The following TMEM117 variants were observed in gnomAD, a reference collection of about 807,000 sequenced individuals.
The protein encoded by TMEM117 is transmembrane protein 117.
A neutral mutation model predicts 52.4 loss-of-function variants in TMEM117; 27 were observed. That is an observed-to-expected ratio of 0.51 (90% CI 0.38 to 0.71). The LOEUF (loss-of-function observed/expected upper bound fraction) is 0.71. Among genes scored for constraint, TMEM117 ranks in the 30% least tolerant of loss-of-function variants. The probability of loss-of-function intolerance (pLI) is 0.00; values close to 1 mark genes in which losing one functional copy is unlikely to be tolerated. For missense variants in TMEM117, 556 were observed against 630.5 expected, an observed-to-expected ratio of 0.88 and a Z score of 1.26; for synonymous variants, 215 against 206.3, an observed-to-expected ratio of 1.04 and a Z score of -0.36.
chr12:44,209,939 G>A (rs1949622642), intron 4 of TMEM117, among the ~76,000 whole-genome samples: 1 of 152,000 alleles, frequency 6.6e-6, no homozygotes. Flanking sequence ...TATTATTGAA[G>A]GGGTCACTGA....
Position 43,899,525 on chromosome 12 carries a change from G to T in TMEM117, c.278-44685G>T, listed in dbSNP as rs76961178. On this transcript the variant is annotated intron_variant, in intron 2 of 7. Coordinates refer to ENST00000266534, the MANE Select transcript of TMEM117 (RefSeq NM_032256.3). ...TGAAGAAACAGTAGTTTGCCATATT[G>T]TGAATTCTGCATATTGGAGTCCTGG... Among the ~76,000 whole-genome samples, 1,229 of 152,272 alleles carry T rather than the reference G, an allele frequency of 8.1e-3. 25 individuals carry two copies. Among genetic ancestry groups the T allele is most frequent in the African/African-American group, 0.028 (1,146 of 41,548 alleles).
At position 43,912,505 on chromosome 12, in the gene TMEM117, A is replaced by ATT. The variant is rs1184376263; in HGVS notation, c.278-31703_278-31702dup. 6.9e-4 allele frequency among the ~76,000 whole-genome samples: 34 copies of ATT among 49,384 alleles called. 1 individual carries two copies. In the Admixed American group the frequency reaches 7.0e-3, roughly 10 times the overall value. 32.4% of individuals were successfully genotyped at this position (49,384 alleles called of 152,430 possible). ...TAAAACTTAAAGTATAATAATAATA[A>ATT]TTTATATATATATATATATATATAT... On this transcript the variant is annotated intron_variant, in intron 2 of 7. Transcript: ENST00000266534.
intron 3 of TMEM117, among the ~76,000 whole-genome samples, chr12:44,106,606 A>T (rs946221553): frequency 4.7e-4 from 71 of 152,058 alleles, no homozygotes; most frequent in Non-Finnish European, 9.1e-4. Flanking sequence ...TATTGTATAC[A>T]TATAACATCA....
At chr12:44,212,682 A>G (rs779188307) in intron 5 of TMEM117, among the ~76,000 whole-genome samples, 7 of 152,140 alleles carry the variant, frequency 4.6e-5, no homozygotes, top group Non-Finnish European at 7.4e-5. Flanking sequence ...CCCACCAGAT[A>G]AGGGGGACTA....
At chr12:44,345,503 T>G (rs1293637194) in intron 6 of TMEM117, among the ~76,000 whole-genome samples, 2 of 152,142 alleles carry the variant, frequency 1.3e-5, no homozygotes, top group South Asian at 2.1e-4. Flanking sequence ...ATTCATAGTA[T>G]TGATTAAATA....
intron 3 of TMEM117, among the ~76,000 whole-genome samples, chr12:43,955,466 G>T (rs1945291956): frequency 6.6e-6 from 1 of 152,156 alleles, no homozygotes; most frequent in African/African-American, 2.4e-5. Context: ...AAGTTAATTT[G>T]CAGAAATCAC....
intron 5 of TMEM117, among the ~76,000 whole-genome samples, chr12:44,275,249 TGTC>T (rs1950497689): frequency 1.3e-5 from 2 of 152,158 alleles, no homozygotes; most frequent in South Asian, 2.1e-4. Context: ...TGCAGTGAGA[TGTC>T]GTCTCACCCC....
chr12:44,209,865 G>A (rs1949621583), intron 4 of TMEM117, among the ~76,000 whole-genome samples: 1 of 152,082 alleles, frequency 6.6e-6, no homozygotes, highest in Non-Finnish European at 1.5e-5. Context: ...GCCGGTGAAT[G>A]TTTCCAGAGA....
chr12:44,176,337 C>G (rs1225021242), intron 4 of TMEM117, among the ~76,000 whole-genome samples: 1 of 152,104 alleles, frequency 6.6e-6, no homozygotes, highest in African/African-American at 2.4e-5. Flanking sequence ...CCAATAAATA[C>G]CTGTGGAATG....
intron 3 of TMEM117, among the ~76,000 whole-genome samples, chr12:43,992,221 A>G (rs369139143): frequency 1.6e-4 from 24 of 151,994 alleles, no homozygotes; most frequent in South Asian, 4.2e-4. Flanking sequence ...CTTAAAATTC[A>G]TTGCTCTCCA....
At chr12:44,090,840 T>TG (rs1947656690) in intron 3 of TMEM117, among the ~76,000 whole-genome samples, 2 of 121,200 alleles carry the variant, frequency 1.7e-5, no homozygotes, top group South Asian at 4.7e-4. Flanking sequence ...TATTTATGTG[T>TG]TTTTTTTTGT....
chr12:43,871,103 T>TTTG (rs1565728294), intron 2 of TMEM117, among the ~76,000 whole-genome samples: 22 of 150,910 alleles, frequency 1.5e-4, no homozygotes, highest in Admixed American at 1.3e-4. Flanking sequence ...GTTTTTTTTT[T>TTTG]TTTGTTTGTT....
At chr12:44,156,399 T>G (rs1432809130) in intron 4 of TMEM117, among the ~76,000 whole-genome samples, 1 of 151,980 alleles carries the variant, frequency 6.6e-6, no homozygotes, top group African/African-American at 2.4e-5. Flanking sequence ...AGTTGGGTGC[T>G]CTAATCAGTT....
chr12:44,221,198 T>C (rs994061213), intron 5 of TMEM117, among the ~76,000 whole-genome samples: 2 of 152,214 alleles, frequency 1.3e-5, no homozygotes, highest in Non-Finnish European at 2.9e-5. Flanking sequence ...AAAAATGCTG[T>C]ACCATTATAA....
chr12:44,333,882 A>AC (rs1350633583), intron 6 of TMEM117, among the ~76,000 whole-genome samples: 10 of 151,940 alleles, frequency 6.6e-5, no homozygotes, highest in African/African-American at 1.9e-4. Context: ...TGACTGATCA[A>AC]CCCCATGAAG....
chr12:43,823,828 C>G, the TMEM117 span, among the ~76,000 whole-genome samples: 6 of 152,078 alleles, frequency 3.9e-5, no homozygotes, highest in African/African-American at 1.4e-4. Flanking sequence ...AAAAAAAAAG[C>G]TTTGTGTGCT....
intron 2 of TMEM117, among the ~76,000 whole-genome samples, chr12:43,859,484 A>C (rs1294859790): frequency 3.7e-5 from 5 of 136,506 alleles, no homozygotes; most frequent in African/African-American, 1.3e-4. Context: ...TGTAAATGTA[A>C]AAAGTTATAT....
intron 6 of TMEM117, among the ~76,000 whole-genome samples, chr12:44,304,906 G>A (rs1950886307): frequency 6.6e-6 from 1 of 152,212 alleles, no homozygotes; most frequent in East Asian, 1.9e-4. Flanking sequence ...GCCATGGCGA[G>A]ATATTCCTTC....
At chr12:44,117,051 C>T (rs1948156697) in intron 3 of TMEM117, among the ~76,000 whole-genome samples, 1 of 152,158 alleles carries the variant, frequency 6.6e-6, no homozygotes. Context: ...AAACTCTCTC[C>T]CTTGTACTTG....
Sources: allele counts gnomAD v4.1 joint callset (sites outside exome capture counted in the v4.1 genomes callset), GRCh38; gene constraint gnomAD v4.1.1; transcripts MANE v1.5; gene names NCBI Gene and HGNC (gene_info 2026-07-23, HGNC 2026-07-21).